The following CPNE4 variants were observed in gnomAD, a reference collection of about 807,000 sequenced individuals.
The protein encoded by CPNE4 is copine 4.
CPNE4 carries 25 observed loss-of-function variants against 67.9 expected under a neutral mutation model. The observed-to-expected ratio is 0.37, with a 90% CI of 0.27 to 0.51. The LOEUF (loss-of-function observed/expected upper bound fraction) is 0.51. CPNE4 is among the 20% of genes least tolerant of loss of function. The pLI, the probability that CPNE4 is intolerant of heterozygous loss-of-function variation, is 0.93. For synonymous variants in CPNE4, 242 were observed against 244.9 expected (o/e 0.99, Z 0.11); for missense variants, 464 against 690.8 (o/e 0.67, Z 3.68).
At chr3:131,554,384 A>G (rs757579188) in intron 12 of CPNE4, among the ~76,000 whole-genome samples, 1 of 152,116 alleles carries the variant, frequency 6.6e-6, no homozygotes, top group Non-Finnish European at 1.5e-5. Context: ...AGTGTGTCAA[A>G]TATAACATAT....
intron 2 of CPNE4, among the ~76,000 whole-genome samples, chr3:131,854,385 G>A (rs937629859): frequency 1.6e-4 from 25 of 151,802 alleles, no homozygotes; most frequent in African/African-American, 5.8e-4. Flanking sequence ...GGGGAAAAGG[G>A]CATGAAAAGA....
At chr3:131,774,309 A>C (rs1435720077) in intron 2 of CPNE4, among the ~76,000 whole-genome samples, 1 of 151,426 alleles carries the variant, frequency 6.6e-6, no homozygotes, top group Non-Finnish European at 1.5e-5. Flanking sequence ...GAATTCTGCA[A>C]TATATTTTCT....
At chr3:131,846,102 C>A (rs548009076) in intron 2 of CPNE4, among the ~76,000 whole-genome samples, 2 of 152,254 alleles carry the variant, frequency 1.3e-5, no homozygotes, top group South Asian at 4.2e-4. Flanking sequence ...CAATTTTGGG[C>A]AAGGCACTTA....
chr3:131,771,817 T>A (rs80012468), intron 2 of CPNE4, among the ~76,000 whole-genome samples: 2 of 152,166 alleles, frequency 1.3e-5, no homozygotes, highest in Non-Finnish European at 2.9e-5. Context: ...GTTGATACTA[T>A]CTGAAAATGG....
chr3:131,718,744 A>G (rs1024350719), intron 3 of CPNE4, among the ~76,000 whole-genome samples: 1 of 152,186 alleles, frequency 6.6e-6, no homozygotes, highest in Non-Finnish European at 1.5e-5. Context: ...TCAGATAATT[A>G]TAAGCTTTTC....
At chr3:131,792,707 A>ACG (rs1560323041) in intron 2 of CPNE4, among the ~76,000 whole-genome samples, 1 of 80,250 alleles carries the variant, frequency 1.2e-5, no homozygotes, top group African/African-American at 5.3e-5. Flanking sequence ...ATATACACAC[A>ACG]CGTGTATATA....
intron 10 of CPNE4, among the ~76,000 whole-genome samples, chr3:131,572,099 G>C (rs1937366031): frequency 6.6e-6 from 1 of 151,990 alleles, no homozygotes; most frequent in South Asian, 2.1e-4. Context: ...CTTAGCAGCT[G>C]AGGAGAAAGA....
intron 2 of CPNE4, among the ~76,000 whole-genome samples, chr3:131,730,768 C>G (rs1452299790): frequency 6.6e-6 from 1 of 152,102 alleles, no homozygotes; most frequent in Non-Finnish European, 1.5e-5. Flanking sequence ...CTACCAAAAG[C>G]CAGGAGAGGA....
intron 1 of CPNE4, among the ~76,000 whole-genome samples, chr3:132,011,130 A>C (rs1175535125): frequency 1.3e-5 from 2 of 152,208 alleles, no homozygotes; most frequent in African/African-American, 4.8e-5. Flanking sequence ...GCAAATTAGC[A>C]AAGTCACCCT....
intron 5 of CPNE4, among the ~76,000 whole-genome samples, chr3:131,692,110 C>T (rs555847041): frequency 1.3e-5 from 2 of 152,174 alleles, no homozygotes; most frequent in East Asian, 1.9e-4. Context: ...AGAAATTTAG[C>T]TAAGTAAGAG....
intron 2 of CPNE4, among the ~76,000 whole-genome samples, chr3:131,864,562 C>T (rs1438384584): frequency 6.6e-6 from 1 of 151,778 alleles, no homozygotes; most frequent in East Asian, 1.9e-4. Context: ...ATTTTGTATC[C>T]TGAGACTTTG....
rs753899014 is a variant in CPNE4 at position 131,669,705 on chromosome 3, T to C, written c.651A>G (p.Leu217=). 2.5e-5 allele frequency: 41 copies of C among 1,613,754 alleles called. No homozygotes were observed. Among genetic ancestry groups the C allele is most frequent in the South Asian group, 4.4e-5 (4 of 91,062 alleles). Residue 217 remains leucine (L), a synonymous_variant, in exon 7 of 16, where the codon CTA becomes CTG. Transcript: ENST00000429747. ...WKSFKVSVNS[L]CSGDPDRRLK... ...GCCGGCGGTCTGGGTCTCCGCTGCA[T>C]AGAGAATTTACAGATACTTTGAATG...
intron 7 of CPNE4, among the ~76,000 whole-genome samples, chr3:131,632,509 G>A (rs2079256115): frequency 6.6e-6 from 1 of 152,006 alleles, no homozygotes; most frequent in Non-Finnish European, 1.5e-5. Flanking sequence ...ACCCCACAAT[G>A]GTAAATTCAA....
chr3:131,570,755 C>T (rs1937297136), intron 10 of CPNE4, among the ~76,000 whole-genome samples: 1 of 152,024 alleles, frequency 6.6e-6, no homozygotes, highest in Non-Finnish European at 1.5e-5. Flanking sequence ...TGGATGTGTG[C>T]ACTTCCCAGT....
At chr3:131,602,102 G>A (rs1277013006) in intron 7 of CPNE4, among the ~76,000 whole-genome samples, 1 of 152,176 alleles carries the variant, frequency 6.6e-6, no homozygotes, top group Non-Finnish European at 1.5e-5. Context: ...TAACTTGTCT[G>A]GAGTGGGTTA....
At chr3:131,587,674 A>C (rs1327438135) in intron 7 of CPNE4, 92 bp from the exon 8 acceptor site, 20 of 914,592 alleles carry the variant, frequency 2.2e-5, no homozygotes, top group Non-Finnish European at 3.4e-5. Context: ...AGAGTAGATG[A>C]AAGATGTTTG....
intron 1 of CPNE4, among the ~76,000 whole-genome samples, chr3:131,981,086 A>G (rs1009957188): frequency 1.3e-5 from 2 of 152,062 alleles, no homozygotes; most frequent in African/African-American, 4.8e-5. Context: ...AGCCTGTTCC[A>G]GTGGAGGTGG....
At chr3:131,757,066 C>T (rs1302870446) in intron 2 of CPNE4, among the ~76,000 whole-genome samples, 2 of 152,144 alleles carry the variant, frequency 1.3e-5, no homozygotes, top group Non-Finnish European at 2.9e-5. Context: ...TCAGATATAT[C>T]TTTATCAGCA....
At chr3:131,961,826 C>T (rs912453821) in intron 1 of CPNE4, among the ~76,000 whole-genome samples, 1 of 152,094 alleles carries the variant, frequency 6.6e-6, no homozygotes, top group Non-Finnish European at 1.5e-5. Context: ...TCACACATAC[C>T]AAATATCAAA....
Sources: gnomAD v4.1 joint callset for allele counts (sites outside exome capture counted in the v4.1 genomes callset) on GRCh38, gnomAD v4.1.1 for gene constraint, MANE v1.5 for transcripts, NCBI Gene and HGNC (gene_info 2026-07-23, HGNC 2026-07-21) for gene names.